Variants in ANKRD12 observed in about 807,000 individuals in gnomAD.
The protein encoded by ANKRD12 is ankyrin repeat domain 12.
In ANKRD12, 85 loss-of-function variants were observed where a neutral mutation model predicts 183.4. The observed-to-expected ratio is 0.46, with a 90% confidence interval of 0.39 to 0.56. The LOEUF is 0.56. Among genes scored for constraint, ANKRD12 ranks in the 20% least tolerant of loss-of-function variants. The pLI, the probability that ANKRD12 is intolerant of heterozygous loss-of-function variation, is 0.00. For synonymous variants in ANKRD12, 914 were observed against 800.2 expected (o/e 1.14, Z -2.40); for missense variants, 2,405 against 2,357.1 (o/e 1.02, Z -0.42).
chr18:9,277,056 T>G (rs2039874772), intron 11 of ANKRD12, among the ~76,000 whole-genome samples: 1 of 152,224 alleles, frequency 6.6e-6, no homozygotes, highest in African/African-American at 2.4e-5. Flanking sequence ...ATAATCGAGC[T>G]ACAATGAAAA....
chr18:9,198,167 G>T (rs1431736128), intron 3 of ANKRD12, among the ~76,000 whole-genome samples: 1 of 152,022 alleles, frequency 6.6e-6, no homozygotes, highest in Non-Finnish European at 1.5e-5. Context: ...CTGAAACTGT[G>T]AAGATAAAGA....
chr18:9,171,848 C>T (rs1255173893), intron 1 of ANKRD12, among the ~76,000 whole-genome samples: 1 of 151,838 alleles, frequency 6.6e-6, no homozygotes, highest in East Asian at 1.9e-4. Context: ...GGCAAAACCC[C>T]ATCTCTACTA....
chr18:9,223,581 C>T (rs1009356364), intron 8 of ANKRD12, among the ~76,000 whole-genome samples: 9 of 151,880 alleles, frequency 5.9e-5, no homozygotes, highest in African/African-American at 2.2e-4. Context: ...GTAATAAAAG[C>T]ATATGAACAA....
intron 9 of ANKRD12, among the ~76,000 whole-genome samples, chr18:9,262,310 T>A (rs142640610): frequency 6.6e-6 from 1 of 152,194 alleles, no homozygotes; most frequent in Non-Finnish European, 1.5e-5. Flanking sequence ...CAAAACATGC[T>A]AAGATATCTT....
intron 3 of ANKRD12, among the ~76,000 whole-genome samples, chr18:9,196,487 A>G (rs1048721567): frequency 1.3e-5 from 2 of 152,242 alleles, no homozygotes; most frequent in African/African-American, 4.8e-5. Flanking sequence ...AAAATGTTTT[A>G]GCCTCAGAGA....
At chr18:9,222,442 T>C (rs1332694957) in intron 8 of ANKRD12, among the ~76,000 whole-genome samples, 1 of 152,064 alleles carries the variant, frequency 6.6e-6, no homozygotes, top group Non-Finnish European at 1.5e-5. Flanking sequence ...ATTCTGATCA[T>C]TGTTGCAGGG....
intron 1 of ANKRD12, among the ~76,000 whole-genome samples, chr18:9,162,808 G>GTT (rs142801737): frequency 1.1e-4 from 17 of 151,280 alleles, no homozygotes; most frequent in Non-Finnish European, 1.5e-4. Flanking sequence ...GTGATATTGA[G>GTT]TTTTTTTTCA....
At chr18:9,190,147 G>C (rs866386780) in intron 2 of ANKRD12, among the ~76,000 whole-genome samples, 3 of 152,190 alleles carry the variant, frequency 2.0e-5, no homozygotes, top group South Asian at 2.1e-4. Context: ...AACACTCATG[G>C]ATGACTGAGA....
At chr18:9,160,212 C>G (rs947294709) in intron 1 of ANKRD12, among the ~76,000 whole-genome samples, 4 of 152,184 alleles carry the variant, frequency 2.6e-5, no homozygotes, top group Non-Finnish European at 5.9e-5. Flanking sequence ...GCTACGTGGA[C>G]TCAGGTGATC....
chr18:9,175,625 T>C (rs2033203234), intron 1 of ANKRD12, among the ~76,000 whole-genome samples: 1 of 145,352 alleles, frequency 6.9e-6, no homozygotes, highest in Non-Finnish European at 1.5e-5. Context: ...CCTTGCTGGT[T>C]CAAGCAGTTC....
intron 2 of ANKRD12, 62 bp from the exon 3 acceptor site, chr18:9,195,489 T>C: frequency 7.8e-7 from 1 of 1,286,664 alleles, no homozygotes; most frequent in Non-Finnish European, 1.0e-6. Flanking sequence ...TCCTTAGGGG[T>C]TTCTATACTG....
chr18:9,269,556 T>G (rs2039484936), intron 10 of ANKRD12, among the ~76,000 whole-genome samples: 1 of 152,266 alleles, frequency 6.6e-6, no homozygotes, highest in African/African-American at 2.4e-5. Flanking sequence ...CTGGGAAAAC[T>G]GGCTAGCCAA....
intron 3 of ANKRD12, 36 bp downstream of exon 3, chr18:9,195,734 C>T (rs1352306856): frequency 6.3e-7 from 1 of 1,588,670 alleles, no homozygotes; most frequent in African/African-American, 1.4e-5. Context: ...AAAATCTTGC[C>T]CATTCTTTAA....
chr18:9,255,111 A>C lies in ANKRD12; in HGVS notation c.1844A>C (p.Glu615Ala). Residue 615 changes from glutamate (E) to alanine (A), a missense_variant, in exon 9 of 13, where the codon GAA (glutamate) becomes GCA (alanine). By Grantham distance (107) the Glu-to-Ala change is moderately radical. Transcript: ENST00000262126. ...KSKHQKDFHL[E>A]FGEKSNAKIK... Reference sequence around the variant, plus strand: ...AAACATCAGAAAGATTTCCACTTAGAATTTGGTGAAAAATCAAATGCCAAA... The same window carrying C: ...AAACATCAGAAAGATTTCCACTTAGCATTTGGTGAAAAATCAAATGCCAAA... The C allele has an allele frequency of 6.3e-7, 1 of 1,581,086 alleles. No homozygotes were observed. Among genetic ancestry groups the C allele is most frequent in the Non-Finnish European group, 8.5e-7 (1 of 1,170,078 alleles).
intron 2 of ANKRD12, among the ~76,000 whole-genome samples, chr18:9,185,489 A>G (rs1359160734): frequency 1.3e-5 from 2 of 152,214 alleles, no homozygotes; most frequent in Non-Finnish European, 2.9e-5. Flanking sequence ...GAGAAAGAAC[A>G]GGTTGTTTTG....
In ANKRD12 at chr18:9,284,732, G is replaced by GA. The variant is rs1347879250; in HGVS notation, c.*3612dup. 4 of 151,730 alleles carry GA rather than the reference G, an allele frequency of 2.6e-5. No individual in the cohort carries two copies. Among genetic ancestry groups the GA allele is most frequent in the African/African-American group, 9.7e-5 (4 of 41,268 alleles). 9.4% of individuals were successfully genotyped at this position (151,730 alleles called of 1,614,324 possible). A position where few individuals can be genotyped will look rare whatever the true frequency, so the allele number is the denominator to read the frequency against. On this transcript the variant is annotated 3_prime_UTR_variant, in exon 13 of 13. Coordinates refer to ENST00000262126, the MANE Select transcript of ANKRD12 (RefSeq NM_015208.5). ...CCAGTCAGTAAAAGTAGAATTCATA[G>GA]AAAAAACTGAGGCAAATTAAAACAA...
At chr18:9,217,482 G>A (rs547876292) in intron 7 of ANKRD12, among the ~76,000 whole-genome samples, 55 of 152,244 alleles carry the variant, frequency 3.6e-4, no homozygotes, top group African/African-American at 8.4e-4. Flanking sequence ...AGTATCAGGG[G>A]TAAAAGATTA....
rs1288401150 is a variant in ANKRD12, at chr18:9,256,255, A to G, written c.2988A>G (p.Lys996=). 1.2e-5 allele frequency: 19 copies of G among 1,602,448 alleles called. No homozygotes were observed. The highest frequency in any genetic ancestry group is 1.4e-5 in the Non-Finnish European group (16 of 1,176,652). ...ACGGTAATAAAGCACAACATGAAAA[A>G]CCCTTATCCCTTAAAGAAAAAACAA... ...IVDGNKAQHE[K]PLSLKEKTKD... The change falls in exon 9 of 13, where the codon AAA becomes AAG. Residue 996 remains lysine (K), a synonymous_variant. Transcript: ENST00000262126.
intron 6 of ANKRD12, among the ~76,000 whole-genome samples, chr18:9,212,853 C>T (rs543556159): frequency 6.6e-6 from 1 of 151,754 alleles, no homozygotes; most frequent in Non-Finnish European, 1.5e-5. Context: ...TGATGGTAAA[C>T]ATTTCTTATG....
Sources: allele counts gnomAD v4.1 joint callset (sites outside exome capture counted in the v4.1 genomes callset), GRCh38; gene constraint gnomAD v4.1.1; transcripts MANE v1.5; gene names NCBI Gene and HGNC (gene_info 2026-07-23, HGNC 2026-07-21).